Variants in LCOR observed in about 807,000 individuals in gnomAD.
The protein encoded by LCOR is ligand-dependent corepressor.
Under a neutral mutation model 64.4 loss-of-function variants are expected in LCOR, and 14 were observed. That is an observed-to-expected ratio of 0.22 (90% CI 0.14 to 0.34). The LOEUF (loss-of-function observed/expected upper bound fraction) is 0.34. Among genes scored for constraint, LCOR ranks in the 10% least tolerant of loss-of-function variants. The pLI, the probability that LCOR is intolerant of heterozygous loss-of-function variation, is 1.00. For synonymous variants in LCOR, 643 were observed against 642.5 expected (o/e 1.00, Z -0.01); for missense variants, 1,686 against 1,765.3 (o/e 0.96, Z 0.80).
intron 4 of LCOR, among the ~76,000 whole-genome samples, chr10:96,917,888 C>G (rs925527660): frequency 2.6e-5 from 4 of 151,958 alleles, no homozygotes; most frequent in African/African-American, 9.7e-5. Flanking sequence ...AATTAGAAGT[C>G]AAGAAGAGAG....
At chr10:96,979,954 G>T (rs562904042) in intron 7 of LCOR, among the ~76,000 whole-genome samples, 69 of 152,296 alleles carry the variant, frequency 4.5e-4, no homozygotes, top group African/African-American at 9.4e-4. Flanking sequence ...GACCAGCCTG[G>T]GCAACATGGT....
At position 96,985,904 on chromosome 10, in the gene LCOR, C is replaced by T. The variant is rs1262504677; in HGVS notation, c.*770C>T. On this transcript the variant is annotated 3_prime_UTR_variant, in exon 8 of 8. Transcript: ENST00000421806. ...CCCAAACTGTATTACTAATTCTCAC[C>T]ATCTTCTTCATTTCTGGTCTTGCTA... 6.0e-6 allele frequency: 1 copy of T among 166,954 alleles called. No homozygotes were observed. Among genetic ancestry groups the T allele is most frequent in the East Asian group, 1.9e-4 (1 of 5,200 alleles). The allele number at this position is 166,954 out of a possible 1,614,324, so 10.3% of individuals were successfully genotyped here.
In LCOR at chr10:96,985,366, A is replaced by C. The variant is rs956189800; in HGVS notation, c.*232A>C. 1 of 452,776 alleles carries C rather than the reference A, an allele frequency of 2.2e-6. No individual in the cohort carries two copies. The highest frequency in any genetic ancestry group is 2.0e-5 in the African/African-American group (1 of 49,280). 28.0% of individuals were successfully genotyped at this position (452,776 alleles called of 1,614,324 possible). On this transcript the variant is annotated 3_prime_UTR_variant, in exon 8 of 8. Coordinates refer to ENST00000421806, the MANE Select transcript of LCOR (RefSeq NM_001346516.2). ...ATATTCTGGTTGTTCCTTGGGTTTT[A>C]AACTTGGAACCAAGCAGTTTTCGTT... is the stretch of plus-strand genomic sequence containing the variant.
At chr10:96,891,683 C>T (rs1846446726) in intron 2 of LCOR, among the ~76,000 whole-genome samples, 1 of 151,388 alleles carries the variant, frequency 6.6e-6, no homozygotes. Flanking sequence ...GCTGGGATTA[C>T]AGGTGCACGC....
intron 4 of LCOR, among the ~76,000 whole-genome samples, chr10:96,939,807 C>G (rs777681368): frequency 1.3e-5 from 2 of 152,110 alleles, no homozygotes; most frequent in Non-Finnish European, 2.9e-5. Context: ...ACTAAAAATA[C>G]AAAAAATCAG....
intron 2 of LCOR, among the ~76,000 whole-genome samples, chr10:96,836,790 T>G (rs1225083717): frequency 1.3e-5 from 2 of 152,226 alleles, no homozygotes; most frequent in East Asian, 3.8e-4. Flanking sequence ...CAATTTAAAC[T>G]GCAGTTCATG....
At chr10:96,939,693 G>A (rs946786243) in intron 4 of LCOR, among the ~76,000 whole-genome samples, 2 of 152,208 alleles carry the variant, frequency 1.3e-5, no homozygotes, top group African/African-American at 4.8e-5. Flanking sequence ...GGCCGGGCGC[G>A]GGGCCCACGC....
At chr10:96,947,851 C>G (rs1431833442) in intron 5 of LCOR, among the ~76,000 whole-genome samples, 1 of 151,916 alleles carries the variant, frequency 6.6e-6, no homozygotes, top group African/African-American at 2.4e-5. Context: ...CAGAGGTAAA[C>G]AAACACATTT....
chr10:96,978,724 G>A (rs145705802), intron 7 of LCOR, among the ~76,000 whole-genome samples: 81 of 152,304 alleles, frequency 5.3e-4, no homozygotes, highest in Non-Finnish European at 7.8e-4. Flanking sequence ...AAGCAGTTTA[G>A]GTTAAGCAAC....
chr10:96,940,305 T>G (rs1221784999), intron 4 of LCOR, among the ~76,000 whole-genome samples: 2 of 64,302 alleles, frequency 3.1e-5, no homozygotes, highest in African/African-American at 3.4e-4. Flanking sequence ...TGGTCATGAT[T>G]TTTTTTTTTT....
In LCOR at chr10:96,990,467, C is replaced by A. The variant is rs1031030455; in HGVS notation, c.*5333C>A. On this transcript the variant is annotated 3_prime_UTR_variant, in exon 8 of 8. Coordinates refer to ENST00000421806, the MANE Select transcript of LCOR (RefSeq NM_001346516.2). The stretch of plus-strand genomic sequence containing the variant: ...AGACTGGGAAGTCTTTTGAGGCAGC[C>A]TTCAATATAATTCATCCTTTGAAAC... 1 of 151,932 alleles carries A rather than the reference C, an allele frequency of 6.6e-6. No homozygotes were observed. Among genetic ancestry groups the A allele is most frequent in the Non-Finnish European group, 1.5e-5 (1 of 67,980 alleles). The allele number at this position is 151,932 out of a possible 1,614,324, so 9.4% of individuals were successfully genotyped here.
chr10:96,907,824 T>A (rs1228163184), intron 4 of LCOR, 77 bp downstream of exon 4: 1 of 377,142 alleles, frequency 2.7e-6, no homozygotes, highest in Non-Finnish European at 3.7e-6. Flanking sequence ...TGTGTTACTT[T>A]GTTGGAGGAT....
At chr10:96,907,629 TTC>T (rs1481462259) in intron 3 of LCOR, 37 bp from the exon 4 acceptor site, 1 of 757,536 alleles carries the variant, frequency 1.3e-6, no homozygotes, top group South Asian at 6.0e-5. Flanking sequence ...TTCCTAAAAA[TTC>T]TCTTTTATGA....
chr10:96,952,764 C>G (rs1847703442), intron 7 of LCOR, among the ~76,000 whole-genome samples: 1 of 152,160 alleles, frequency 6.6e-6, no homozygotes, highest in Non-Finnish European at 1.5e-5. Flanking sequence ...AGTAAATTCT[C>G]TGACACCCTA....
Position 96,985,151 on chromosome 10 carries a change from C to T in LCOR, c.*17C>T. ...GCAAAGTGATTGGAAAGATGGTAGCCAAGAGTAAAACTGTTCTATAGAAGT... is the reference window on the plus strand; with the variant it reads ...GCAAAGTGATTGGAAAGATGGTAGCTAAGAGTAAAACTGTTCTATAGAAGT... On this transcript the variant is annotated 3_prime_UTR_variant, in exon 8 of 8. Coordinates refer to ENST00000421806, the MANE Select transcript of LCOR (RefSeq NM_001346516.2). 1 of 1,578,586 alleles carries T rather than the reference C, an allele frequency of 6.3e-7. No individual in the cohort carries two copies. Among genetic ancestry groups the T allele is most frequent in the Non-Finnish European group, 8.6e-7 (1 of 1,166,842 alleles).
intron 7 of LCOR, among the ~76,000 whole-genome samples, chr10:96,970,951 GAGTACAT>G (rs1489615713): frequency 5.9e-5 from 9 of 152,084 alleles, no homozygotes; most frequent in Admixed American, 5.9e-4. Context: ...AACAGAATCA[GAGTACAT>G]AGGATTATAG....
chr10:96,977,838 A>G (rs1442838522), intron 7 of LCOR, among the ~76,000 whole-genome samples: 1 of 152,168 alleles, frequency 6.6e-6, no homozygotes, highest in Non-Finnish European at 1.5e-5. Context: ...AAGCACAGCT[A>G]GCCCAGTGAT....
intron 2 of LCOR, among the ~76,000 whole-genome samples, chr10:96,885,991 C>T (rs548389839): frequency 6.6e-6 from 1 of 152,252 alleles, no homozygotes; most frequent in South Asian, 2.1e-4. Flanking sequence ...GATTCTTGTG[C>T]CTCAGCCTCC....
intron 5 of LCOR, among the ~76,000 whole-genome samples, chr10:96,945,765 C>G (rs1245000967): frequency 6.6e-6 from 1 of 152,056 alleles, no homozygotes; most frequent in Non-Finnish European, 1.5e-5. Context: ...CTTCCTCTCC[C>G]TAATTTACAT....
Sources: gnomAD v4.1 joint callset for allele counts (sites outside exome capture counted in the v4.1 genomes callset) on GRCh38, gnomAD v4.1.1 for gene constraint, MANE v1.5 for transcripts, NCBI Gene and HGNC (gene_info 2026-07-23, HGNC 2026-07-21) for gene names.